The following GRM7 variants were observed in gnomAD, a reference collection of about 807,000 sequenced individuals.
GRM7 encodes the protein glutamate metabotropic receptor 7.
In GRM7, 35 loss-of-function variants were observed where a neutral mutation model predicts 84.5. The ratio of observed to expected loss-of-function variants is 0.41; its 90% CI spans 0.32 to 0.55. The LOEUF (loss-of-function observed/expected upper bound fraction) is 0.55, where lower values mean the gene tolerates loss of function less well. GRM7 is among the 20% of genes least tolerant of loss of function. The pLI is 0.19. For missense variants in GRM7, 1,003 were observed against 1,194.6 expected (o/e 0.84, Z 2.36); for synonymous variants, 487 against 455.1 (o/e 1.07, Z -0.89).
chr3:6,868,374 C>T (rs989217698), intron 1 of GRM7, among the ~76,000 whole-genome samples: 4 of 152,144 alleles, frequency 2.6e-5, no homozygotes, highest in African/African-American at 7.2e-5. Context: ...ATTGCTTAAG[C>T]GTATCTATTT....
intron 1 of GRM7, among the ~76,000 whole-genome samples, chr3:6,896,259 G>T (rs1696178808): frequency 6.6e-6 from 1 of 152,102 alleles, no homozygotes; most frequent in Non-Finnish European, 1.5e-5. Context: ...AGAAGGGAAA[G>T]TTTCTTCTGG....
chr3:7,342,965 T>C (rs1358420329), intron 4 of GRM7, among the ~76,000 whole-genome samples: 3 of 152,124 alleles, frequency 2.0e-5, no homozygotes, highest in African/African-American at 7.2e-5. Context: ...ACCCAGTGAG[T>C]TCACAGATGT....
At chr3:7,428,285 A>G (rs1348606941) in intron 5 of GRM7, among the ~76,000 whole-genome samples, 1 of 150,252 alleles carries the variant, frequency 6.7e-6, no homozygotes, top group Non-Finnish European at 1.5e-5. Flanking sequence ...CTGTCCTTGA[A>G]AAAGAGCTTT....
chr3:7,459,188 G>T (rs1698140045), intron 6 of GRM7, among the ~76,000 whole-genome samples: 1 of 152,168 alleles, frequency 6.6e-6, no homozygotes, highest in Admixed American at 6.5e-5. Context: ...AGATTCAGCT[G>T]TTGACTCAAA....
At chr3:7,014,786 A>G (rs759632468) in intron 1 of GRM7, among the ~76,000 whole-genome samples, 6 of 152,198 alleles carry the variant, frequency 3.9e-5, no homozygotes, top group Non-Finnish European at 5.9e-5. Flanking sequence ...ATCTAGAAGC[A>G]TCAGCTGAGA....
intron 2 of GRM7, among the ~76,000 whole-genome samples, chr3:7,289,254 C>T (rs1253325556): frequency 9.2e-5 from 14 of 152,178 alleles, no homozygotes; most frequent in Admixed American, 7.2e-4. Flanking sequence ...TTTGCAAAGA[C>T]TTCTTGAATT....
chr3:7,584,986 A>G (rs1035746381), intron 8 of GRM7, among the ~76,000 whole-genome samples: 1 of 152,222 alleles, frequency 6.6e-6, no homozygotes, highest in African/African-American at 2.4e-5. Context: ...ACTTCCAGCC[A>G]TATAAACATA....
At position 7,292,997 on chromosome 3, in the gene GRM7, G is replaced by A. The variant is rs897870120; in HGVS notation, c.737-5687G>A. Among the ~76,000 whole-genome samples the A allele has an allele frequency of 2.7e-4, 39 of 144,250 alleles. 1 individual carries two copies. The highest frequency in any genetic ancestry group is 8.8e-4 in the African/African-American group (34 of 38,420). The allele number at this position is 144,250 out of a possible 152,430, so 94.6% of individuals were successfully genotyped here. A position where few individuals can be genotyped will look rare whatever the true frequency, so the allele number is the denominator to read the frequency against. On this transcript the variant is annotated intron_variant, in intron 2 of 9. Coordinates refer to ENST00000357716, the MANE Select transcript of GRM7 (RefSeq NM_000844.4). ...TGCAGTGAGATGAGATTGCACCATC[G>A]CACTGCAGCCTGGGGGACAAGAGCG... is the stretch of plus-strand genomic sequence containing the variant.
chr3:7,605,141 G>T (rs1696504132), intron 8 of GRM7, among the ~76,000 whole-genome samples: 1 of 152,040 alleles, frequency 6.6e-6, no homozygotes, highest in African/African-American at 2.4e-5. Flanking sequence ...CTGCCCAGAT[G>T]ATGCCTTCTG....
chr3:6,932,357 G>T (rs1039380596), intron 1 of GRM7, among the ~76,000 whole-genome samples: 12 of 152,122 alleles, frequency 7.9e-5, no homozygotes, highest in African/African-American at 2.7e-4. Context: ...AGCCCAGATG[G>T]AAGCTTTTTG....
intron 1 of GRM7, among the ~76,000 whole-genome samples, chr3:6,868,496 T>C (rs1052423717): frequency 6.6e-6 from 1 of 152,196 alleles, no homozygotes; most frequent in African/African-American, 2.4e-5. Flanking sequence ...TTCTCCCTTA[T>C]ACAACAAGTA....
At chr3:7,125,379 T>A (rs1289385469) in intron 1 of GRM7, among the ~76,000 whole-genome samples, 1 of 152,152 alleles carries the variant, frequency 6.6e-6, no homozygotes, top group East Asian at 1.9e-4. Context: ...ACTTAGAACA[T>A]TTTCCTTATT....
At chr3:7,564,641 G>A (rs1478049873) in intron 7 of GRM7, among the ~76,000 whole-genome samples, 1 of 152,088 alleles carries the variant, frequency 6.6e-6, no homozygotes, top group East Asian at 1.9e-4. Flanking sequence ...GACCGTTGGA[G>A]CCATAATATA....
chr3:7,704,737 C>G (rs1701331256), intron 9 of GRM7, among the ~76,000 whole-genome samples: 1 of 152,116 alleles, frequency 6.6e-6, no homozygotes, highest in South Asian at 2.1e-4. Context: ...CCTAGACCTG[C>G]CAGAATGCCC....
At chr3:7,627,863 A>G (rs530986135) in intron 8 of GRM7, among the ~76,000 whole-genome samples, 1 of 152,288 alleles carries the variant, frequency 6.6e-6, no homozygotes, top group South Asian at 2.1e-4. Context: ...TACCAGTTAT[A>G]TTAGATGAGG....
chr3:7,673,419 A>C (rs1001044689), intron 8 of GRM7, among the ~76,000 whole-genome samples: 6 of 152,156 alleles, frequency 3.9e-5, no homozygotes, highest in Non-Finnish European at 8.8e-5. Context: ...GGTTCTTAAA[A>C]GGTCACCTTG....
intron 2 of GRM7, among the ~76,000 whole-genome samples, chr3:7,216,719 TG>T (rs1266711412): frequency 6.6e-6 from 1 of 152,098 alleles, no homozygotes; most frequent in African/African-American, 2.4e-5. Context: ...TTACTCAAAC[TG>T]ACAGTATTTC....
intron 2 of GRM7, among the ~76,000 whole-genome samples, chr3:7,279,246 G>T (rs1362030648): frequency 6.6e-6 from 1 of 152,130 alleles, no homozygotes; most frequent in Non-Finnish European, 1.5e-5. Context: ...ACATAATAAA[G>T]GTGTGAACAT....
chr3:7,511,216 C>CT (rs1700187993), intron 7 of GRM7, among the ~76,000 whole-genome samples: 1 of 152,120 alleles, frequency 6.6e-6, no homozygotes, highest in Admixed American at 6.5e-5. Context: ...TGGCCCTCGA[C>CT]TATAGGGGTT....
Sources: gnomAD v4.1 joint callset for allele counts (sites outside exome capture counted in the v4.1 genomes callset) on GRCh38, gnomAD v4.1.1 for gene constraint, MANE v1.5 for transcripts, NCBI Gene and HGNC (gene_info 2026-07-23, HGNC 2026-07-21) for gene names.